Variants in GALNT18 observed in about 807,000 individuals in gnomAD.
GALNT18 encodes the protein GalNAc-transferase 18.
A neutral mutation model predicts 69.5 loss-of-function variants in GALNT18; 44 were observed. The ratio of observed to expected loss-of-function variants is 0.63; its 90% CI spans 0.50 to 0.81. GALNT18 has a LOEUF of 0.81. GALNT18 is among the 40% of genes least tolerant of loss of function. The pLI is 0.00. For missense variants in GALNT18, 715 were observed against 810.0 expected, an observed-to-expected ratio of 0.88 and a Z score of 1.42; for synonymous variants, 364 against 318.2, an observed-to-expected ratio of 1.14 and a Z score of -1.53.
chr11:11,328,951 T>C (rs552761699), intron 8 of GALNT18, among the ~76,000 whole-genome samples: 14 of 152,262 alleles, frequency 9.2e-5, no homozygotes, highest in African/African-American at 3.4e-4. Flanking sequence ...GGGTGTCTTT[T>C]GATAAAGTCC....
chr11:11,553,452 G>A (rs11021924), intron 1 of GALNT18, among the ~76,000 whole-genome samples: 24,866 of 152,200 alleles, frequency 0.16, 2,551 homozygotes, highest in Middle Eastern at 0.25. Context: ...CTTGTCCCAG[G>A]GCATGGACGG....
chr11:11,555,209 C>T lies in GALNT18; in HGVS notation c.235+66150G>A, dbSNP rs1858301320. ...CTGCTCAGGGCGGGGGTGCCTATCC[C>T]CACCCCACCATTCATGCCAGCCAAG... On this transcript the variant is annotated intron_variant, in intron 1 of 10. Coordinates refer to ENST00000227756, the MANE Select transcript of GALNT18 (RefSeq NM_198516.3). This position sits in a 1 kb window ranked among gnomAD's most constrained non-coding sequence, Gnocchi z 4.7. 6.6e-6 allele frequency among the ~76,000 whole-genome samples: 1 copy of T among 152,178 alleles called. No homozygotes were observed. Among genetic ancestry groups the T allele is most frequent in the Admixed American group, 6.5e-5 (1 of 15,282 alleles).
chr11:11,593,456 T>C lies in GALNT18; in HGVS notation c.235+27903A>G, dbSNP rs1029123921. ...CTGAAAGGTACTATGAAGCTTGGCCTTCCTTCTCTGCAAACAGACACTGAT... is the reference window on the plus strand; with the variant it reads ...CTGAAAGGTACTATGAAGCTTGGCCCTCCTTCTCTGCAAACAGACACTGAT... On this transcript the variant is annotated intron_variant, in intron 1 of 10. Coordinates refer to ENST00000227756, the MANE Select transcript of GALNT18 (RefSeq NM_198516.3). Among the ~76,000 whole-genome samples the C allele has an allele frequency of 2.0e-5, 3 of 152,338 alleles. No homozygotes were observed. The East Asian group carries it at 5.8e-4, about 29-fold the overall frequency.
intron 1 of GALNT18, among the ~76,000 whole-genome samples, chr11:11,574,404 G>T (rs1858870566): frequency 6.6e-6 from 1 of 152,162 alleles, no homozygotes; most frequent in African/African-American, 2.4e-5. Context: ...CCATCTCCCT[G>T]GTCTGGACTT....
chr11:11,418,256 T>C (rs1273743818), intron 3 of GALNT18, among the ~76,000 whole-genome samples: 1 of 152,192 alleles, frequency 6.6e-6, no homozygotes, highest in Non-Finnish European at 1.5e-5. Context: ...AAAGAAGTTG[T>C]CTCTATTTAG....
At chr11:11,451,455 G>A (rs1855796854) in intron 1 of GALNT18, among the ~76,000 whole-genome samples, 1 of 152,122 alleles carries the variant, frequency 6.6e-6, no homozygotes, top group South Asian at 2.1e-4. Flanking sequence ...TAAAGTCCTG[G>A]TGACACCACA....
intron 9 of GALNT18, among the ~76,000 whole-genome samples, chr11:11,321,509 GC>G (rs1333757347): frequency 2.0e-5 from 3 of 152,202 alleles, no homozygotes; most frequent in Non-Finnish European, 4.4e-5. Context: ...TTGAACTCAG[GC>G]ATCCCAATGC....
chr11:11,523,032 C>G lies in GALNT18; in HGVS notation c.236-74096G>C, dbSNP rs543234140. Among the ~76,000 whole-genome samples, 5 of 152,298 alleles carry G rather than the reference C, an allele frequency of 3.3e-5. No homozygotes were observed. The highest frequency in any genetic ancestry group is 1.2e-4 in the African/African-American group (5 of 41,560). Reference sequence around the variant, plus strand: ...ACTAACAATTCAGGCAGAGGCTCTCCCTTACAAACTGCTTGCCAAGAAAGT... The same window carrying G: ...ACTAACAATTCAGGCAGAGGCTCTCGCTTACAAACTGCTTGCCAAGAAAGT... On this transcript the variant is annotated intron_variant, in intron 1 of 10. Transcript: ENST00000227756. This position sits in a 1 kb window ranked among gnomAD's most constrained non-coding sequence, Gnocchi z 4.3.
intron 9 of GALNT18, among the ~76,000 whole-genome samples, chr11:11,325,389 A>T (rs1298967218): frequency 6.6e-6 from 1 of 152,166 alleles, no homozygotes; most frequent in African/African-American, 2.4e-5. Context: ...TGAGGAATAA[A>T]AGAGTACATA....
In GALNT18 at chr11:11,341,005, C is replaced by G; in HGVS notation, c.1093-1G>C. On this transcript the variant is annotated splice_acceptor_variant, in intron 6 of 10. Coordinates refer to ENST00000227756, the MANE Select transcript of GALNT18 (RefSeq NM_198516.3). LOFTEE classifies it high-confidence loss of function. This position sits in a 1 kb window ranked among gnomAD's most constrained non-coding sequence, Gnocchi z 6.3. ...CCACACTCCCGCCACACTGCCACAC[C>G]TGCAGAAGACATGGAGCCACTTGTC... The G allele has an allele frequency of 6.3e-7, 1 of 1,592,940 alleles. No individual in the cohort carries two copies. Among genetic ancestry groups the G allele is most frequent in the Non-Finnish European group, 8.6e-7 (1 of 1,166,736 alleles).
intron 1 of GALNT18, among the ~76,000 whole-genome samples, chr11:11,512,723 C>A (rs1010177330): frequency 1.2e-4 from 18 of 152,186 alleles, no homozygotes; most frequent in Non-Finnish European, 2.1e-4. Context: ...GAGAGTCTGG[C>A]GGCACCTGAG....
At chr11:11,291,753 C>A (rs1849304424) in intron 10 of GALNT18, among the ~76,000 whole-genome samples, 1 of 152,142 alleles carries the variant, frequency 6.6e-6, no homozygotes, top group African/African-American at 2.4e-5. Context: ...GGTTTAGGCT[C>A]TTGGTTCTGC....
Position 11,332,545 on chromosome 11 carries a change from T to C in GALNT18, c.1416+149A>G. 2 of 763,686 alleles carry C rather than the reference T, an allele frequency of 2.6e-6. No individual in the cohort carries two copies. The highest frequency in any genetic ancestry group is 1.8e-5 in the South Asian group (1 of 55,220). 47.3% of individuals were successfully genotyped at this position (763,686 alleles called of 1,614,324 possible). Reference sequence around the variant, plus strand: ...TTGGGCTGTAAAAGTAAAGGCTGTCTTGCAGGTGCAGAACCCAGCGCCCGG... The same window carrying C: ...TTGGGCTGTAAAAGTAAAGGCTGTCCTGCAGGTGCAGAACCCAGCGCCCGG... On this transcript the variant is annotated intron_variant, in intron 8 of 10. Transcript: ENST00000227756. The surrounding 1 kb of genome is among the most constrained non-coding windows in gnomAD (Gnocchi z 4.3).
Position 11,502,023 on chromosome 11 carries a change from C to T in GALNT18, c.236-53087G>A, listed in dbSNP as rs554603225. ...GGACGAGGCTCTCAGTTGGAAGAAG[C>T]CAAGAGCCAGCCTTCAATGTTGCCA... is the stretch of plus-strand genomic sequence containing the variant. On this transcript the variant is annotated intron_variant, in intron 1 of 10. Transcript: ENST00000227756. 3.3e-5 allele frequency among the ~76,000 whole-genome samples: 5 copies of T among 152,288 alleles called. No homozygotes were observed. The South Asian group carries it at 1.0e-3, about 32-fold the overall frequency.
chr11:11,527,786 T>A (rs1857554223), intron 1 of GALNT18, among the ~76,000 whole-genome samples: 1 of 152,226 alleles, frequency 6.6e-6, no homozygotes, highest in Non-Finnish European at 1.5e-5. Context: ...TTCTATTCAT[T>A]GCCTGATGGA....
intron 6 of GALNT18, among the ~76,000 whole-genome samples, chr11:11,343,180 C>T (rs1408713110): frequency 6.6e-6 from 1 of 151,780 alleles, no homozygotes; most frequent in Admixed American, 6.6e-5. Context: ...CTCATCTCTG[C>T]TGAAAATTTC....
chr11:11,491,803 C>A (rs368556988), intron 1 of GALNT18, among the ~76,000 whole-genome samples: 126 of 152,300 alleles, frequency 8.3e-4, no homozygotes, highest in African/African-American at 2.9e-3. Context: ...CACCACACCA[C>A]AGAGGTGCGG....
rs2133979445 is a variant in GALNT18 at position 11,620,711 on chromosome 11, G to A, written c.235+648C>T. 6.6e-6 allele frequency among the ~76,000 whole-genome samples: 1 copy of A among 152,282 alleles called. No individual in the cohort carries two copies. The highest frequency in any genetic ancestry group is 2.4e-5 in the African/African-American group (1 of 41,568). On this transcript the variant is annotated intron_variant, in intron 1 of 10. Coordinates refer to ENST00000227756, the MANE Select transcript of GALNT18 (RefSeq NM_198516.3). This position sits in a 1 kb window ranked among gnomAD's most constrained non-coding sequence, Gnocchi z 6.9. Reference sequence around the variant, plus strand: ...CCCGGCGTTGACACCTGCTCCTGGAGAGGGTCCTGGACCCGCGGGCTGTGG... The same window carrying A: ...CCCGGCGTTGACACCTGCTCCTGGAAAGGGTCCTGGACCCGCGGGCTGTGG...
chr11:11,294,690 T>C (rs1031677759), intron 9 of GALNT18, among the ~76,000 whole-genome samples: 5 of 151,912 alleles, frequency 3.3e-5, no homozygotes, highest in South Asian at 2.1e-4. Flanking sequence ...CCATGGGCTG[T>C]AGTTTGGGTC....
Sources: gnomAD v4.1 joint callset for allele counts (sites outside exome capture counted in the v4.1 genomes callset) on GRCh38, gnomAD v4.1.1 for gene constraint, Gnocchi (gnomAD v3.1) non-coding constraint, MANE v1.5 for transcripts, NCBI Gene and HGNC (gene_info 2026-07-23, HGNC 2026-07-21) for gene names.